Variants in CSMD1 observed in about 807,000 individuals in gnomAD.
CSMD1 encodes the protein CUB and Sushi multiple domains 1.
Under a neutral mutation model 417.5 loss-of-function variants are expected in CSMD1, and 213 were observed. That is an observed-to-expected ratio of 0.51 (90% CI 0.46 to 0.57). The LOEUF (loss-of-function observed/expected upper bound fraction) is 0.57. Ranked by LOEUF, CSMD1 falls within the 20% of genes least tolerant of loss-of-function variation. CSMD1 has a pLI of 0.00. For missense variants in CSMD1, 6,923 were observed against 4,529.7 expected, an observed-to-expected ratio of 1.53 and a Z score of -15.17; for synonymous variants, 2,862 against 1,736.8, an observed-to-expected ratio of 1.65 and a Z score of -16.11.
intron 3 of CSMD1, among the ~76,000 whole-genome samples, chr8:4,052,485 G>A (rs773461480): frequency 6.6e-6 from 1 of 152,102 alleles, no homozygotes; most frequent in Non-Finnish European, 1.5e-5. Flanking sequence ...TTTACCCAGG[G>A]TCAGAGTGCA....
At chr8:3,022,942 A>G (rs569223170) in intron 51 of CSMD1, among the ~76,000 whole-genome samples, 35 of 152,350 alleles carry the variant, frequency 2.3e-4, no homozygotes, top group African/African-American at 7.0e-4. Context: ...ATGTTCAAAC[A>G]TGAAATCAGC....
chr8:3,983,135 C>CTTTCTTTTTT (rs1554506675), intron 5 of CSMD1, among the ~76,000 whole-genome samples: 16 of 133,522 alleles, frequency 1.2e-4, no homozygotes, highest in Admixed American at 3.7e-4. Flanking sequence ...ATCTTTCTTT[C>CTTTCTTTTTT]TTTTTTTTTT....
intron 17 of CSMD1, among the ~76,000 whole-genome samples, chr8:3,394,932 C>CT (rs1284398177): frequency 6.6e-6 from 1 of 152,004 alleles, no homozygotes; most frequent in East Asian, 1.9e-4. Context: ...ATATTTTTAT[C>CT]TAAAAGTAGA....
At chr8:3,578,020 C>T (rs1172174974) in intron 9 of CSMD1, among the ~76,000 whole-genome samples, 1 of 152,120 alleles carries the variant, frequency 6.6e-6, no homozygotes, top group Non-Finnish European at 1.5e-5. Context: ...CCTAGCTGTC[C>T]TGCAGCTCAC....
intron 33 of CSMD1, among the ~76,000 whole-genome samples, chr8:3,191,658 C>T (rs1240432677): frequency 6.6e-6 from 1 of 152,004 alleles, no homozygotes; most frequent in Non-Finnish European, 1.5e-5. Flanking sequence ...GATAACTATT[C>T]AGGTTGTATG....
intron 5 of CSMD1, among the ~76,000 whole-genome samples, chr8:3,775,215 T>C (rs1798834134): frequency 6.6e-6 from 1 of 152,232 alleles, no homozygotes; most frequent in Non-Finnish European, 1.5e-5. Context: ...AAGGTTTAGA[T>C]AAAACTTTGC....
chr8:3,493,012 G>T lies in CSMD1; in HGVS notation c.1448+611C>A, dbSNP rs73658129. Among the ~76,000 whole-genome samples, 313 of 152,242 alleles carry T rather than the reference G, an allele frequency of 2.1e-3. 4 individuals carry two copies. Among genetic ancestry groups the T allele is most frequent in the African/African-American group, 7.2e-3 (300 of 41,538 alleles). ...GAGAGAGGTTAAAAAAGAGGTGTTG[G>T]CTGGGTGCGGTGGTTCACACCTGTA... On this transcript the variant is annotated intron_variant, in intron 11 of 69. Transcript: ENST00000635120.
intron 3 of CSMD1, among the ~76,000 whole-genome samples, chr8:4,189,746 C>G (rs17405566): frequency 0.018 from 2,806 of 152,116 alleles, 30 homozygotes; most frequent in Middle Eastern, 0.061. Flanking sequence ...CATTAGAAAT[C>G]TTGATAAATT....
At chr8:4,650,068 C>A (rs760193675) in intron 1 of CSMD1, among the ~76,000 whole-genome samples, 1 of 152,146 alleles carries the variant, frequency 6.6e-6, no homozygotes, top group African/African-American at 2.4e-5. Flanking sequence ...GTAGAAGACA[C>A]CAAATAGTCA....
At chr8:3,328,717 C>T (rs572294317) in intron 23 of CSMD1, among the ~76,000 whole-genome samples, 65 of 152,026 alleles carry the variant, frequency 4.3e-4, no homozygotes, top group Non-Finnish European at 7.5e-4. Context: ...CATGTGAAAC[C>T]GACAAGACAG....
rs1206564860 is a variant in CSMD1, at chr8:4,842,551, C to A, written c.85+151781G>T. ...TTCACTTACAGCGAGCACTAAGGGT[C>A]ACAACGTAGGAGCCATATTGAGCAT... is the stretch of plus-strand genomic sequence containing the variant. On this transcript the variant is annotated intron_variant, in intron 1 of 69. Transcript: ENST00000635120. Among the ~76,000 whole-genome samples, 26 of 152,150 alleles carry A rather than the reference C, an allele frequency of 1.7e-4. 1 individual carries two copies. The highest frequency in any genetic ancestry group is 1.7e-3 in the Admixed American group (26 of 15,280).
In CSMD1 at chr8:3,645,029, G is replaced by C. The variant is rs952736976; in HGVS notation, c.1010-28232C>G. Among the ~76,000 whole-genome samples the C allele has an allele frequency of 3.7e-5, 5 of 134,946 alleles. No individual in the cohort carries two copies. The East Asian group carries it at 6.5e-4, about 17-fold the overall frequency. The allele number at this position is 134,946 out of a possible 152,430, so 88.5% of individuals were successfully genotyped here. On this transcript the variant is annotated intron_variant, in intron 7 of 69. Coordinates refer to ENST00000635120, the MANE Select transcript of CSMD1 (RefSeq NM_033225.6). ...TTCAAACTCGCATTTCTTCCTTTCTGTCCTCTACTCCTCATCTGCCTCATG... is the reference window on the plus strand; with the variant it reads ...TTCAAACTCGCATTTCTTCCTTTCTCTCCTCTACTCCTCATCTGCCTCATG...
Position 3,289,675 on chromosome 8 carries a change from TTG to T in CSMD1, c.3951-5331_3951-5330del, listed in dbSNP as rs1420902133. Among the ~76,000 whole-genome samples the T allele has an allele frequency of 3.6e-4, 50 of 139,820 alleles. 4 individuals carry two copies. The highest frequency in any genetic ancestry group is 7.2e-3 in the Middle Eastern group (2 of 276). The allele number at this position is 139,820 out of a possible 152,430, so 91.7% of individuals were successfully genotyped here. A position where few individuals can be genotyped will look rare whatever the true frequency, so the allele number is the denominator to read the frequency against. On this transcript the variant is annotated intron_variant, in intron 25 of 69. Coordinates refer to ENST00000635120, the MANE Select transcript of CSMD1 (RefSeq NM_033225.6). The stretch of plus-strand genomic sequence containing the variant: ...TTTGCCCACTTTTTGATGGGGTTGT[TTG>T]TTTTTTTCTTGAAAATTTGTTGGAG...
chr8:3,364,473 G>T (rs1294396562), intron 20 of CSMD1, among the ~76,000 whole-genome samples: 3 of 152,166 alleles, frequency 2.0e-5, no homozygotes, highest in African/African-American at 4.8e-5. Flanking sequence ...TTTTATTGTT[G>T]TTGGCTTGCT....
At chr8:4,063,740 C>G (rs1218360420) in intron 3 of CSMD1, among the ~76,000 whole-genome samples, 1 of 152,096 alleles carries the variant, frequency 6.6e-6, no homozygotes, top group African/African-American at 2.4e-5. Context: ...ATGGGAAGTG[C>G]CTTTTATTTT....
chr8:4,078,765 C>T (rs1180924784), intron 3 of CSMD1, among the ~76,000 whole-genome samples: 2 of 150,588 alleles, frequency 1.3e-5, no homozygotes, highest in East Asian at 2.0e-4. Context: ...GCCTGGCACA[C>T]TGGCTTACAC....
intron 4 of CSMD1, among the ~76,000 whole-genome samples, chr8:4,026,816 T>C (rs1016552577): frequency 6.6e-6 from 1 of 152,210 alleles, no homozygotes; most frequent in Non-Finnish European, 1.5e-5. Flanking sequence ...TTTATGGCTG[T>C]AGGGAGATGA....
intron 6 of CSMD1, among the ~76,000 whole-genome samples, chr8:3,721,750 A>T (rs1010088431): frequency 1.3e-5 from 2 of 152,180 alleles, no homozygotes; most frequent in African/African-American, 4.8e-5. Context: ...CAGAATTCTA[A>T]ATTCTTTACA....
chr8:4,158,054 C>T (rs965947334), intron 3 of CSMD1, among the ~76,000 whole-genome samples: 1 of 151,940 alleles, frequency 6.6e-6, no homozygotes, highest in East Asian at 1.9e-4. Context: ...CCTGCTACCC[C>T]TACCCCTGCT....
Sources: allele counts gnomAD v4.1 joint callset (sites outside exome capture counted in the v4.1 genomes callset), GRCh38; gene constraint gnomAD v4.1.1; transcripts MANE v1.5; gene names NCBI Gene and HGNC (gene_info 2026-07-23, HGNC 2026-07-21).